Variants in ST6GALNAC3 observed in about 807,000 individuals in gnomAD.
ST6GALNAC3 encodes the protein alpha-N-acetylgalactosaminide alpha-2,6-sialyltransferase 3.
In ST6GALNAC3, 25 loss-of-function variants were observed where a neutral mutation model predicts 32.7. That is an observed-to-expected ratio of 0.76 (90% CI 0.56 to 1.07). The LOEUF (loss-of-function observed/expected upper bound fraction) is 1.07, where lower values mean the gene tolerates loss of function less well. Ranked by LOEUF, ST6GALNAC3 falls within the 50% of genes least tolerant of loss-of-function variation. The pLI, the probability that ST6GALNAC3 is intolerant of heterozygous loss-of-function variation, is 0.00. For missense variants in ST6GALNAC3, 355 were observed against 382.4 expected (o/e 0.93, Z 0.60); for synonymous variants, 129 against 133.1 (o/e 0.97, Z 0.21).
At chr1:76,292,962 A>G (rs948944632) in intron 1 of ST6GALNAC3, among the ~76,000 whole-genome samples, 4 of 152,110 alleles carry the variant, frequency 2.6e-5, no homozygotes. Flanking sequence ...CTTCCCTGTG[A>G]GTATTTTGAG....
At chr1:76,485,099 T>G (rs905808284) in intron 3 of ST6GALNAC3, among the ~76,000 whole-genome samples, 1 of 152,172 alleles carries the variant, frequency 6.6e-6, no homozygotes, top group Admixed American at 6.5e-5. Context: ...ATAAGCTTTT[T>G]GATGTGCTGC....
intron 3 of ST6GALNAC3, among the ~76,000 whole-genome samples, chr1:76,528,294 G>C (rs534420633): frequency 6.6e-6 from 1 of 152,216 alleles, no homozygotes; most frequent in African/African-American, 2.4e-5. Context: ...GGTAGGCTCT[G>C]GGGCTATCCT....
chr1:76,366,673 T>C (rs1650397470), intron 2 of ST6GALNAC3, among the ~76,000 whole-genome samples: 1 of 149,904 alleles, frequency 6.7e-6, no homozygotes, highest in Admixed American at 6.8e-5. Flanking sequence ...AGAAGTCACA[T>C]TTTCTGCTTT....
At chr1:76,342,285 A>T (rs1440238715) in intron 2 of ST6GALNAC3, among the ~76,000 whole-genome samples, 2 of 152,184 alleles carry the variant, frequency 1.3e-5, no homozygotes, top group Non-Finnish European at 2.9e-5. Flanking sequence ...GAATCACCAA[A>T]CTGTCTTCCA....
chr1:76,500,974 A>G (rs1661143515), intron 3 of ST6GALNAC3, among the ~76,000 whole-genome samples: 1 of 152,236 alleles, frequency 6.6e-6, no homozygotes, highest in Admixed American at 6.5e-5. Context: ...CTACATATTC[A>G]TAAACCCTTC....
intron 1 of ST6GALNAC3, among the ~76,000 whole-genome samples, chr1:76,266,485 C>T (rs1658534203): frequency 6.6e-6 from 1 of 152,186 alleles, no homozygotes. Flanking sequence ...TTCAGATTTA[C>T]TGTTCTTATC....
At chr1:76,321,232 C>A (rs567747871) in intron 2 of ST6GALNAC3, among the ~76,000 whole-genome samples, 1 of 152,082 alleles carries the variant, frequency 6.6e-6, no homozygotes, top group Non-Finnish European at 1.5e-5. Flanking sequence ...GAAAGGCCCC[C>A]TTTTCTCTGG....
chr1:76,629,199 C>T lies in ST6GALNAC3; in HGVS notation c.*393C>T, dbSNP rs1649168456. ...TGGCTTCATGAGGCAAGGTGATTGA[C>T]TCAATGGCTTGTTGAATCTCAGCAG... On this transcript the variant is annotated 3_prime_UTR_variant, in exon 5 of 5. Transcript: ENST00000328299. 7 of 1,007,726 alleles carry T rather than the reference C, an allele frequency of 6.9e-6. No homozygotes were observed. Among genetic ancestry groups the T allele is most frequent in the Non-Finnish European group, 8.3e-6 (7 of 845,706 alleles). 62.4% of individuals were successfully genotyped at this position (1,007,726 alleles called of 1,614,324 possible). A position where few individuals can be genotyped will look rare whatever the true frequency, so the allele number is the denominator to read the frequency against.
chr1:76,225,714 T>C (rs374701674), intron 1 of ST6GALNAC3, among the ~76,000 whole-genome samples: 1 of 152,164 alleles, frequency 6.6e-6, no homozygotes, highest in Non-Finnish European at 1.5e-5. Flanking sequence ...AGTTGGCTAA[T>C]AAGTTACATG....
chr1:76,366,463 C>A (rs922864525), intron 2 of ST6GALNAC3, among the ~76,000 whole-genome samples: 3 of 152,104 alleles, frequency 2.0e-5, no homozygotes, highest in African/African-American at 4.8e-5. Context: ...AATTGAATAA[C>A]AAGAATAAGA....
chr1:76,432,388 A>C (rs1049685356), intron 3 of ST6GALNAC3, among the ~76,000 whole-genome samples: 17 of 122,662 alleles, frequency 1.4e-4, no homozygotes, highest in Non-Finnish European at 2.2e-4. Context: ...AAAATGTTTT[A>C]TGTTATACGC....
At chr1:76,177,067 G>A (rs996805872) in intron 1 of ST6GALNAC3, among the ~76,000 whole-genome samples, 7 of 152,068 alleles carry the variant, frequency 4.6e-5, no homozygotes, top group East Asian at 3.9e-4. Flanking sequence ...AGAGTAAGAC[G>A]TTGTCTATTA....
chr1:76,184,091 A>T (rs1196195160), intron 1 of ST6GALNAC3, among the ~76,000 whole-genome samples: 1 of 151,898 alleles, frequency 6.6e-6, no homozygotes, highest in Non-Finnish European at 1.5e-5. Flanking sequence ...TTATTTCATA[A>T]TTTCCTTATT....
At chr1:76,093,310 G>T (rs1035092985) in intron 1 of ST6GALNAC3, among the ~76,000 whole-genome samples, 1 of 152,158 alleles carries the variant, frequency 6.6e-6, no homozygotes, top group Admixed American at 6.5e-5. Flanking sequence ...TAATTACCAC[G>T]TACAATTTTA....
intron 3 of ST6GALNAC3, among the ~76,000 whole-genome samples, chr1:76,462,576 C>G (rs543345760): frequency 1.3e-3 from 201 of 152,050 alleles, no homozygotes; most frequent in African/African-American, 2.1e-3. Context: ...TCTCAGCATG[C>G]ATGGCACATA....
intron 2 of ST6GALNAC3, among the ~76,000 whole-genome samples, chr1:76,338,368 T>A (rs1274661829): frequency 6.6e-6 from 1 of 152,170 alleles, no homozygotes; most frequent in African/African-American, 2.4e-5. Context: ...TGCAGCCAAA[T>A]GTATTTCAGC....
intron 1 of ST6GALNAC3, among the ~76,000 whole-genome samples, chr1:76,264,547 C>T (rs1009380858): frequency 6.6e-6 from 1 of 152,046 alleles, no homozygotes; most frequent in African/African-American, 2.4e-5. Flanking sequence ...CTCGGCGTAC[C>T]TTGCAGGAAT....
chr1:76,467,832 TA>T (rs1476773769), intron 3 of ST6GALNAC3, among the ~76,000 whole-genome samples: 1 of 151,598 alleles, frequency 6.6e-6, no homozygotes, highest in Non-Finnish European at 1.5e-5. Context: ...TGAAATAATT[TA>T]AAAAGTGGCA....
At chr1:76,494,427 GTGTATATATATATATATATATATATA>G (rs1415417347) in intron 3 of ST6GALNAC3, among the ~76,000 whole-genome samples, 3 of 71,374 alleles carry the variant, frequency 4.2e-5, no homozygotes, top group African/African-American at 1.6e-4. Flanking sequence ...ATGTGTGCAT[GTGTATATATATATATATATATATATA>G]TATATATATA....
Sources: allele counts gnomAD v4.1 joint callset (sites outside exome capture counted in the v4.1 genomes callset), GRCh38; gene constraint gnomAD v4.1.1; transcripts MANE v1.5; gene names NCBI Gene and HGNC (gene_info 2026-07-23, HGNC 2026-07-21).